Variants in HNRNPC observed in about 807,000 individuals in gnomAD.
HNRNPC encodes the protein heterogeneous nuclear ribonucleoproteins C1/C2.
Under a neutral mutation model 33.2 loss-of-function variants are expected in HNRNPC, and 3 were observed. The ratio of observed to expected loss-of-function variants is 0.09; its 90% CI spans 0.04 to 0.23. The LOEUF (loss-of-function observed/expected upper bound fraction) is 0.23. Among genes scored for constraint, HNRNPC ranks in the 10% least tolerant of loss-of-function variants. The pLI, the probability that HNRNPC is intolerant of heterozygous loss-of-function variation, is 1.00. For synonymous variants in HNRNPC, 121 were observed against 126.7 expected, an observed-to-expected ratio of 0.96 and a Z score of 0.30; for missense variants, 143 against 366.7, an observed-to-expected ratio of 0.39 and a Z score of 4.98.
At chr14:21,258,453 A>C (rs900370486) in intron 2 of HNRNPC, among the ~76,000 whole-genome samples, 7 of 152,192 alleles carry the variant, frequency 4.6e-5, no homozygotes, top group African/African-American at 1.7e-4. Context: ...TAAGTGTTGA[A>C]ATCTGCACCC....
intron 3 of HNRNPC, among the ~76,000 whole-genome samples, chr14:21,232,865 A>T (rs970220856): frequency 6.6e-6 from 1 of 152,024 alleles, no homozygotes. Context: ...GTGAAACCTC[A>T]CCTCTACTAA....
intron 5 of HNRNPC, among the ~76,000 whole-genome samples, chr14:21,215,381 C>T (rs759970666): frequency 6.6e-6 from 1 of 152,094 alleles, no homozygotes; most frequent in Non-Finnish European, 1.5e-5. Flanking sequence ...AAAAATTAAG[C>T]GGAAATTCTC....
intron 5 of HNRNPC, among the ~76,000 whole-genome samples, chr14:21,228,536 C>CAT (rs2139609550): frequency 6.6e-6 from 1 of 152,076 alleles, no homozygotes; most frequent in South Asian, 2.1e-4. Flanking sequence ...GGACTACAGG[C>CAT]GCGTGCCACC....
intron 2 of HNRNPC, among the ~76,000 whole-genome samples, chr14:21,256,892 G>A (rs989275762): frequency 1.3e-5 from 2 of 152,094 alleles, no homozygotes; most frequent in African/African-American, 2.4e-5. Context: ...GAGCTCAAGC[G>A]ATGCGCCTCC....
intron 4 of HNRNPC, 60 bp from the exon 5 acceptor site, chr14:21,230,426 A>G: frequency 8.2e-7 from 1 of 1,217,076 alleles, no homozygotes; most frequent in South Asian, 1.3e-5. Flanking sequence ...TCACAATGTC[A>G]GGTGAGGGGA....
intron 5 of HNRNPC, among the ~76,000 whole-genome samples, chr14:21,225,208 G>A (rs938040329): frequency 4.0e-5 from 6 of 151,732 alleles, no homozygotes; most frequent in African/African-American, 1.5e-4. Flanking sequence ...ATCACCTGAG[G>A]TCAGGAGTTT....
At chr14:21,213,308 C>T (rs1891819480) in intron 5 of HNRNPC, 191 bp from the exon 6 acceptor site, 3 of 574,444 alleles carry the variant, frequency 5.2e-6, no homozygotes, top group Admixed American at 3.2e-5. Flanking sequence ...TTTACCTAGG[C>T]ACATAAAATA....
At chr14:21,253,901 CA>C (rs990174454) in intron 2 of HNRNPC, among the ~76,000 whole-genome samples, 3 of 149,940 alleles carry the variant, frequency 2.0e-5, no homozygotes, top group Admixed American at 1.3e-4. Flanking sequence ...CCGTCTCTAC[CA>C]AAAAAAAATT....
intron 4 of HNRNPC, 127 bp from the exon 5 acceptor site, chr14:21,230,493 C>A (rs997225132): frequency 6.0e-6 from 4 of 661,454 alleles, no homozygotes; most frequent in Non-Finnish European, 1.1e-5. Context: ...CTGAATGATC[C>A]CCAATCATTC....
In HNRNPC at chr14:21,209,268, T is replaced by C. The variant is rs1891396386; in HGVS notation, c.*1955A>G. 1 of 152,198 alleles carries C rather than the reference T, an allele frequency of 6.6e-6. No homozygotes were observed. Among genetic ancestry groups the C allele is most frequent in the Non-Finnish European group, 1.5e-5 (1 of 68,022 alleles). The allele number at this position is 152,198 out of a possible 1,614,324, so 9.4% of individuals were successfully genotyped here. A position where few individuals can be genotyped will look rare whatever the true frequency, so the allele number is the denominator to read the frequency against. ...GGACTTGAACATCTGCAGATTGTGG[T>C]GTTCACAGCTAAACAGACTGCTCTG... On this transcript the variant is annotated 3_prime_UTR_variant, in exon 9 of 9. Coordinates refer to ENST00000553300, the MANE Select transcript of HNRNPC (RefSeq NM_004500.4).
intron 2 of HNRNPC, among the ~76,000 whole-genome samples, chr14:21,247,365 C>A (rs1385241073): frequency 1.3e-5 from 2 of 152,144 alleles, no homozygotes; most frequent in African/African-American, 4.8e-5. Flanking sequence ...TAGGACATAA[C>A]CTCATGAGTC....
At chr14:21,229,401 C>T (rs1893857961) in intron 5 of HNRNPC, among the ~76,000 whole-genome samples, 1 of 151,680 alleles carries the variant, frequency 6.6e-6, no homozygotes, top group South Asian at 2.1e-4. Context: ...GAGGAAACCG[C>T]TAATGTCAAA....
At chr14:21,232,672 T>C (rs1894244293) in intron 3 of HNRNPC, among the ~76,000 whole-genome samples, 1 of 152,216 alleles carries the variant, frequency 6.6e-6, no homozygotes, top group Admixed American at 6.5e-5. Context: ...TGGCCAAATG[T>C]GGATATCTTA....
At chr14:21,213,272 G>T in intron 5 of HNRNPC, 155 bp from the exon 6 acceptor site, 3 of 697,906 alleles carry the variant, frequency 4.3e-6, no homozygotes, top group African/African-American at 1.8e-5. Context: ...CCACAGTGGG[G>T]TTTAGAAATC....
chr14:21,231,580 G>GT (rs1894122958), intron 3 of HNRNPC, among the ~76,000 whole-genome samples: 1 of 152,198 alleles, frequency 6.6e-6, no homozygotes, highest in Non-Finnish European at 1.5e-5. Flanking sequence ...AATCACAGGT[G>GT]TGAGCTATCA....
At chr14:21,212,041 C>G in intron 6 of HNRNPC, 118 bp from the exon 7 acceptor site, 3 of 756,310 alleles carry the variant, frequency 4.0e-6, no homozygotes, top group Non-Finnish European at 6.7e-6. Context: ...AGAAACAGAG[C>G]CAGTACAGAT....
chr14:21,215,650 C>G (rs1462313565), intron 5 of HNRNPC, among the ~76,000 whole-genome samples: 3 of 152,052 alleles, frequency 2.0e-5, no homozygotes, highest in African/African-American at 7.2e-5. Flanking sequence ...CCTGTAATCC[C>G]AACATTTTGG....
At chr14:21,250,956 T>C (rs925301768) in intron 2 of HNRNPC, among the ~76,000 whole-genome samples, 11 of 152,154 alleles carry the variant, frequency 7.2e-5, no homozygotes, top group African/African-American at 2.4e-4. Context: ...AGGGCCAACA[T>C]TCATTCTCAA....
chr14:21,251,185 T>C (rs1218748519), intron 2 of HNRNPC, among the ~76,000 whole-genome samples: 1 of 124,684 alleles, frequency 8.0e-6, no homozygotes, highest in Admixed American at 1.1e-4. Flanking sequence ...GGTGGGAACC[T>C]GGGAGGCAGA....
Sources: allele counts gnomAD v4.1 joint callset (sites outside exome capture counted in the v4.1 genomes callset), GRCh38; gene constraint gnomAD v4.1.1; transcripts MANE v1.5; gene names NCBI Gene and HGNC (gene_info 2026-07-23, HGNC 2026-07-21).